Variants in RTN4RL1 observed in about 807,000 individuals in gnomAD.
RTN4RL1 encodes the protein reticulon 4 receptor like 1, also known as reticulon-4 receptor-like 1.
In RTN4RL1, 7 loss-of-function variants were observed where a neutral mutation model predicts 25.6. The ratio of observed to expected loss-of-function variants is 0.27; its 90% CI spans 0.16 to 0.51. The LOEUF is 0.51. Among genes scored for constraint, RTN4RL1 ranks in the 20% least tolerant of loss-of-function variants. RTN4RL1 has a pLI of 0.97. For missense variants in RTN4RL1, 500 were observed against 615.6 expected (o/e 0.81, Z 1.99); for synonymous variants, 297 against 288.2 (o/e 1.03, Z -0.31).
chr17:1,951,994 T>C (rs2151307515), intron 1 of RTN4RL1, among the ~76,000 whole-genome samples: 1 of 152,248 alleles, frequency 6.6e-6, no homozygotes, highest in East Asian at 1.9e-4. Flanking sequence ...AGAATTCTAA[T>C]GGCTCAGGGA....
At chr17:2,014,029 A>G (rs568720579) in intron 1 of RTN4RL1, among the ~76,000 whole-genome samples, 75 of 152,286 alleles carry the variant, frequency 4.9e-4, no homozygotes, top group African/African-American at 1.7e-3. Flanking sequence ...AGTTCCTGGC[A>G]TTTCCTTGGA....
Position 2,009,629 on chromosome 17 carries a change from T to A in RTN4RL1, c.13+15224A>T, listed in dbSNP as rs1444433219. ...AAAAGGCAGGATTCATGGGAATCAA[T>A]CTCTGACCTTATACTCAAACTGCAG... On this transcript the variant is annotated intron_variant, in intron 1 of 1. Coordinates refer to ENST00000331238, the MANE Select transcript of RTN4RL1 (RefSeq NM_178568.4). 4.2e-5 allele frequency among the ~76,000 whole-genome samples: 5 copies of A among 120,078 alleles called. 1 individual carries two copies. Among genetic ancestry groups the A allele is most frequent in the Non-Finnish European group, 8.5e-5 (5 of 58,826 alleles). 78.8% of individuals were successfully genotyped at this position (120,078 alleles called of 152,430 possible). A position where few individuals can be genotyped will look rare whatever the true frequency, so the allele number is the denominator to read the frequency against.
In RTN4RL1 at chr17:1,935,670, T is replaced by C; in HGVS notation, c.*826A>G. ...TATAGTTTATAAACATGAAAAGACG[T>C]ACAGTTAGGTAACGGAGTGGGAGGG... On this transcript the variant is annotated 3_prime_UTR_variant, in exon 2 of 2. Coordinates refer to ENST00000331238, the MANE Select transcript of RTN4RL1 (RefSeq NM_178568.4). 1 of 967,788 alleles carries C rather than the reference T, an allele frequency of 1.0e-6. No individual in the cohort carries two copies. The highest frequency in any genetic ancestry group is 1.2e-6 in the Non-Finnish European group (1 of 819,714). The allele number at this position is 967,788 out of a possible 1,614,324, so 60.0% of individuals were successfully genotyped here.
chr17:1,952,352 T>A (rs1480957828), intron 1 of RTN4RL1, among the ~76,000 whole-genome samples: 1 of 133,040 alleles, frequency 7.5e-6, no homozygotes, highest in Non-Finnish European at 1.7e-5. Context: ...TTTTTTTTTT[T>A]TTGAGATGGA....
At chr17:1,984,334 A>C (rs1301692176) in intron 1 of RTN4RL1, among the ~76,000 whole-genome samples, 1 of 152,196 alleles carries the variant, frequency 6.6e-6, no homozygotes, top group Non-Finnish European at 1.5e-5. Flanking sequence ...GGTGACAGTG[A>C]GGAGGCTGAG....
chr17:1,951,260 G>A (rs930748609), intron 1 of RTN4RL1, among the ~76,000 whole-genome samples: 2 of 143,082 alleles, frequency 1.4e-5, no homozygotes, highest in Non-Finnish European at 3.1e-5. Flanking sequence ...GCGAGACTCC[G>A]TCTCAAAAAA....
At chr17:1,993,058 C>A (rs2066916190) in intron 1 of RTN4RL1, among the ~76,000 whole-genome samples, 1 of 152,028 alleles carries the variant, frequency 6.6e-6, no homozygotes, top group Non-Finnish European at 1.5e-5. Flanking sequence ...GCCTGGACAA[C>A]ATAGTGAAAC....
At chr17:2,005,429 C>T (rs776817222) in intron 1 of RTN4RL1, among the ~76,000 whole-genome samples, 25 of 152,222 alleles carry the variant, frequency 1.6e-4, no homozygotes, top group Non-Finnish European at 3.4e-4. Flanking sequence ...CAGATTTCAA[C>T]CTGGCTCTGG....
chr17:1,964,056 C>T (rs1286043754), intron 1 of RTN4RL1, among the ~76,000 whole-genome samples: 1 of 152,060 alleles, frequency 6.6e-6, no homozygotes, highest in Non-Finnish European at 1.5e-5. Context: ...GGGAGGAGGT[C>T]CTGGAGGCAG....
chr17:1,997,426 C>T (rs1315202538), intron 1 of RTN4RL1, among the ~76,000 whole-genome samples: 2 of 152,186 alleles, frequency 1.3e-5, no homozygotes, highest in Admixed American at 1.3e-4. Context: ...TACACTGAGT[C>T]CAACCACGAT....
intron 1 of RTN4RL1, among the ~76,000 whole-genome samples, chr17:2,012,207 C>G (rs922791642): frequency 3.9e-4 from 59 of 152,222 alleles, no homozygotes; most frequent in Non-Finnish European, 2.2e-4. Flanking sequence ...TTGTTCCAAA[C>G]ACATCTGCCA....
intron 1 of RTN4RL1, among the ~76,000 whole-genome samples, chr17:1,971,105 A>C (rs1445027553): frequency 6.6e-6 from 1 of 152,168 alleles, no homozygotes; most frequent in South Asian, 2.1e-4. Context: ...CCCCACCCAG[A>C]TCTCATCCCT....
chr17:1,952,592 C>G (rs1281742176), intron 1 of RTN4RL1, among the ~76,000 whole-genome samples: 1 of 151,270 alleles, frequency 6.6e-6, no homozygotes, highest in African/African-American at 2.4e-5. Context: ...ATCCACCCGC[C>G]TCAGCCTCCC....
rs1555601240 is a variant in RTN4RL1 at position 1,935,751 on chromosome 17, A to ATG, written c.*744_*745insCA. ...TATATATATATATATATATATATAT[A>ATG]TATGTAGAGTGTGAATATATATAAG... is the stretch of plus-strand genomic sequence containing the variant. On this transcript the variant is annotated 3_prime_UTR_variant, in exon 2 of 2. Coordinates refer to ENST00000331238, the MANE Select transcript of RTN4RL1 (RefSeq NM_178568.4). The ATG allele has an allele frequency of 2.3e-4, 68 of 297,042 alleles. 1 individual carries two copies. The highest frequency in any genetic ancestry group is 1.5e-3 in the African/African-American group (61 of 39,602). 18.4% of individuals were successfully genotyped at this position (297,042 alleles called of 1,614,324 possible).
intron 1 of RTN4RL1, among the ~76,000 whole-genome samples, chr17:1,944,931 G>C (rs1915507762): frequency 6.6e-6 from 1 of 152,134 alleles, no homozygotes. Flanking sequence ...CCCCTCTGTG[G>C]CTCCCATCTC....
chr17:1,940,299 C>T (rs981709667), intron 1 of RTN4RL1, among the ~76,000 whole-genome samples: 5 of 152,212 alleles, frequency 3.3e-5, no homozygotes, highest in Admixed American at 6.5e-5. Flanking sequence ...ATGACTTCAG[C>T]GGTGGCGGTG....
rs117708434 is a variant in RTN4RL1 at position 1,985,143 on chromosome 17, G to A, written c.13+39710C>T. On this transcript the variant is annotated intron_variant, in intron 1 of 1. Transcript: ENST00000331238. ...CATGAAACTCTCCTGTCAGGTGAAGGAACTTCCAGGAAGGTGTTTGGCAAG... is the reference window on the plus strand; with the variant it reads ...CATGAAACTCTCCTGTCAGGTGAAGAAACTTCCAGGAAGGTGTTTGGCAAG... Among the ~76,000 whole-genome samples, 152 of 152,298 alleles carry A rather than the reference G, an allele frequency of 1.0e-3. 1 individual carries two copies. In the East Asian group the frequency reaches 0.025, roughly 25 times the overall value.
chr17:1,976,129 C>A (rs998403821), intron 1 of RTN4RL1, among the ~76,000 whole-genome samples: 1 of 152,222 alleles, frequency 6.6e-6, no homozygotes, highest in Non-Finnish European at 1.5e-5. Flanking sequence ...GTGAGAAAGG[C>A]AGTCACTCAT....
intron 1 of RTN4RL1, among the ~76,000 whole-genome samples, chr17:1,966,059 C>T (rs1190994292): frequency 6.6e-6 from 1 of 152,170 alleles, no homozygotes; most frequent in Non-Finnish European, 1.5e-5. Flanking sequence ...AGGAGCCCAG[C>T]CTCCTGCTCA....
Sources: gnomAD v4.1 joint callset for allele counts (sites outside exome capture counted in the v4.1 genomes callset) on GRCh38, gnomAD v4.1.1 for gene constraint, MANE v1.5 for transcripts, NCBI Gene and HGNC (gene_info 2026-07-23, HGNC 2026-07-21) for gene names.